The following SGSM2 variants were observed in gnomAD, a reference collection of about 807,000 sequenced individuals.
SGSM2 encodes the protein small G protein signaling modulator 2, also known as RUN and TBC1 domain containing 1.
A neutral mutation model predicts 126.6 loss-of-function variants in SGSM2; 89 were observed. The observed-to-expected ratio is 0.70, with a 90% CI of 0.59 to 0.84. SGSM2 has a LOEUF of 0.84. Ranked by LOEUF, SGSM2 falls within the 40% of genes least tolerant of loss-of-function variation. The pLI is 0.00. For missense variants in SGSM2, 1,404 were observed against 1,416.6 expected, an observed-to-expected ratio of 0.99 and a Z score of 0.14; for synonymous variants, 614 against 574.3, an observed-to-expected ratio of 1.07 and a Z score of -0.99.
intron 16 of SGSM2, 75 bp downstream of exon 16, chr17:2,373,156 A>T: frequency 6.3e-7 from 1 of 1,584,844 alleles, no homozygotes; most frequent in East Asian, 2.3e-5. Flanking sequence ...GGGACCTTGG[A>T]AGCCTCAGCC....
chr17:2,360,981 G>C (rs976774291), intron 2 of SGSM2, among the ~76,000 whole-genome samples: 1 of 152,224 alleles, frequency 6.6e-6, no homozygotes, highest in African/African-American at 2.4e-5. Flanking sequence ...TGTCTTTAGA[G>C]TCTGTCTGGG....
chr17:2,375,574 G>A lies in SGSM2; in HGVS notation c.2183G>A (p.Gly728Glu), dbSNP rs369486357. 2.0e-5 allele frequency: 32 copies of A among 1,613,778 alleles called. No homozygotes were observed. The African/African-American group carries it at 4.3e-4, about 22-fold the overall frequency. Residue 728 changes from glycine (G) to glutamate (E), a missense_variant, in exon 18 of 24, where the codon GGA (glycine) becomes GAA (glutamate). Transcript: ENST00000268989. Reference sequence around the variant, plus strand: ...AGACCAAAACCTGAGCAGGAAGCAGGACCCGGGACTCCGGGCACCGCCGTG... The same window carrying A: ...AGACCAAAACCTGAGCAGGAAGCAGAACCCGGGACTCCGGGCACCGCCGTG... The part of the protein sequence containing the change: ...DSRPKPEQEA[G>E]PGTPGTAVVE...
intron 2 of SGSM2, among the ~76,000 whole-genome samples, chr17:2,352,428 T>C (rs978320571): frequency 1.3e-5 from 2 of 152,200 alleles, no homozygotes; most frequent in African/African-American, 4.8e-5. Flanking sequence ...TGGCAGCTGG[T>C]AGCAAAAGGT....
At chr17:2,350,077 A>G (rs141470489) in intron 2 of SGSM2, among the ~76,000 whole-genome samples, 1,756 of 151,568 alleles carry the variant, frequency 0.012, 17 homozygotes, top group Middle Eastern at 0.048. Context: ...GTAAGCCACC[A>G]CGCCTGGCCT....
Position 2,351,194 on chromosome 17 carries a change from A to G in SGSM2, c.133+7574A>G, listed in dbSNP as rs183211067. Among the ~76,000 whole-genome samples, 201 of 152,154 alleles carry G rather than the reference A, an allele frequency of 1.3e-3. 1 individual carries two copies. Among genetic ancestry groups the G allele is most frequent in the African/African-American group, 4.6e-3 (192 of 41,502 alleles). ...CTTGAACCTGGCAGGCGGAGATTGC[A>G]GTAAGCCAAGATCACGTCACTGCAC... On this transcript the variant is annotated intron_variant, in intron 2 of 23. Coordinates refer to ENST00000268989, the MANE Select transcript of SGSM2 (RefSeq NM_014853.3).
intron 11 of SGSM2, among the ~76,000 whole-genome samples, chr17:2,365,890 C>T (rs962687491): frequency 1.3e-5 from 2 of 151,940 alleles, no homozygotes; most frequent in Non-Finnish European, 2.9e-5. Flanking sequence ...GGATTACAGG[C>T]GCACACCTCC....
rs376669048 is a variant in SGSM2 at position 2,364,639 on chromosome 17, G to T, written c.976G>T (p.Val326Leu). 3.7e-6 allele frequency: 6 copies of T among 1,614,064 alleles called. No individual in the cohort carries two copies. Among genetic ancestry groups the T allele is most frequent in the African/African-American group, 1.3e-5 (1 of 74,932 alleles). The stretch of plus-strand genomic sequence containing the variant: ...CCTCGTGGTGCCCTTCAGCCAGGTC[G>T]TGTGCATCCACTGCCACCAGCAAAG... ...YALVVPFSQVVCIHCHQQKSG... is the reference protein window; with the variant it reads ...YALVVPFSQVLCIHCHQQKSG... Residue 326 changes from valine to leucine, a missense_variant, in exon 9 of 24, where the codon GTG becomes TTG. Val to Leu is a conservative substitution (Grantham distance 32). Transcript: ENST00000268989.
Position 2,363,388 on chromosome 17 carries a change from G to C in SGSM2, c.673-77G>C. On this transcript the variant is annotated intron_variant, in intron 6 of 23. Transcript: ENST00000268989. This position sits in a 1 kb window ranked among gnomAD's most constrained non-coding sequence, Gnocchi z 4.2. ...CCCTGGGGTCAGCTGGAGAGGGTCA[G>C]CATGGAAGCGTGAGGGTTCCCAAGC... 6.3e-7 allele frequency: 1 copy of C among 1,595,048 alleles called. No individual in the cohort carries two copies. The highest frequency in any genetic ancestry group is 1.1e-5 in the South Asian group (1 of 90,264).
At chr17:2,338,608 C>T (rs1292265951) in intron 1 of SGSM2, among the ~76,000 whole-genome samples, 1 of 152,004 alleles carries the variant, frequency 6.6e-6, no homozygotes, top group Non-Finnish European at 1.5e-5. Flanking sequence ...TCTGTTTTGT[C>T]CACTGCCTTG....
chr17:2,345,899 A>T (rs1175535930), intron 2 of SGSM2, among the ~76,000 whole-genome samples: 3 of 152,112 alleles, frequency 2.0e-5, no homozygotes, highest in Non-Finnish European at 4.4e-5. Flanking sequence ...GAAAGCATTG[A>T]TTATCAACCT....
rs2064262628 is a variant in SGSM2, at chr17:2,339,705, C to T, written c.57+1960C>T. 2.1e-5 allele frequency among the ~76,000 whole-genome samples: 3 copies of T among 141,864 alleles called. No homozygotes were observed. The South Asian group carries it at 6.9e-4, about 33-fold the overall frequency. 93.1% of individuals were successfully genotyped at this position (141,864 alleles called of 152,430 possible). A position where few individuals can be genotyped will look rare whatever the true frequency, so the allele number is the denominator to read the frequency against. On this transcript the variant is annotated intron_variant, in intron 1 of 23. Transcript: ENST00000268989. ...CCTGGGCGACAGAGCAACACTCCAT[C>T]TCAAAAAAAAAAAAAAAAAAAGTCC...
At position 2,343,633 on chromosome 17, in the gene SGSM2, C is replaced by G; in HGVS notation, c.133+13C>G. Reference sequence around the variant, plus strand: ...ATTGCTTTATGTGGTGAGTGAGTGACTGAAGGATGATGGGAGGTCGGTCTA... The same window carrying G: ...ATTGCTTTATGTGGTGAGTGAGTGAGTGAAGGATGATGGGAGGTCGGTCTA... On this transcript the variant is annotated intron_variant, in intron 2 of 23. Coordinates refer to ENST00000268989, the MANE Select transcript of SGSM2 (RefSeq NM_014853.3). 2 of 1,613,120 alleles carry G rather than the reference C, an allele frequency of 1.2e-6. No homozygotes were observed. Among genetic ancestry groups the G allele is most frequent in the South Asian group, 2.2e-5 (2 of 91,070 alleles).
At chr17:2,344,355 C>T (rs1474964021) in intron 2 of SGSM2, among the ~76,000 whole-genome samples, 1 of 152,218 alleles carries the variant, frequency 6.6e-6, no homozygotes, top group Non-Finnish European at 1.5e-5. Flanking sequence ...TCTCAACCCC[C>T]CATCTGAAGG....
intron 12 of SGSM2, among the ~76,000 whole-genome samples, chr17:2,368,561 G>A (rs988020325): frequency 2.0e-5 from 3 of 152,178 alleles, no homozygotes; most frequent in Non-Finnish European, 4.4e-5. Context: ...CTGTCTCCGG[G>A]CAGGCAGGAC....
chr17:2,345,006 T>G (rs148556740), intron 2 of SGSM2, among the ~76,000 whole-genome samples: 52 of 152,352 alleles, frequency 3.4e-4, no homozygotes, highest in African/African-American at 1.2e-3. Context: ...GGACTTGAGT[T>G]CATACCATGT....
At position 2,363,966 on chromosome 17, in the gene SGSM2, T is replaced by C. The variant is rs2065439146; in HGVS notation, c.808-93T>C. Reference sequence around the variant, plus strand: ...ACCCCGTGACTAGCCTAGCTTGGCCTCCCCTCCTCCCAGCGGGAGCTCATT... The same window carrying C: ...ACCCCGTGACTAGCCTAGCTTGGCCCCCCCTCCTCCCAGCGGGAGCTCATT... On this transcript the variant is annotated intron_variant, in intron 7 of 23. Transcript: ENST00000268989. The surrounding 1 kb of genome is among the most constrained non-coding windows in gnomAD (Gnocchi z 4.2). 4 of 1,532,882 alleles carry C rather than the reference T, an allele frequency of 2.6e-6. No individual in the cohort carries two copies. In the Admixed American group the frequency reaches 6.8e-5, roughly 26 times the overall value. The allele number at this position is 1,532,882 out of a possible 1,614,324, so 95.0% of individuals were successfully genotyped here.
Position 2,363,135 on chromosome 17 carries a change from G to C in SGSM2, c.672+1G>C. Reference sequence around the variant, plus strand: ...CCCTGCAAAGCGCCCAGCCCTGGGGGTAGGTGCCCCCTCCCCACCCTTTGG... The same window carrying C: ...CCCTGCAAAGCGCCCAGCCCTGGGGCTAGGTGCCCCCTCCCCACCCTTTGG... On this transcript the variant is annotated splice_donor_variant, in intron 6 of 23. Transcript: ENST00000268989. LOFTEE classifies it high-confidence loss of function. The surrounding 1 kb of genome is among the most constrained non-coding windows in gnomAD (Gnocchi z 4.2). 2 of 1,596,432 alleles carry C rather than the reference G, an allele frequency of 1.3e-6. No homozygotes were observed. The highest frequency in any genetic ancestry group is 1.3e-5 in the African/African-American group (1 of 74,624).
Position 2,345,448 on chromosome 17 carries a change from T to C in SGSM2, c.133+1828T>C, listed in dbSNP as rs549004459. Reference sequence around the variant, plus strand: ...CGTCTCTACTAAAAATACAAAAAATTAGCCAGGCGTGGTGGCGGGCGCCTG... The same window carrying C: ...CGTCTCTACTAAAAATACAAAAAATCAGCCAGGCGTGGTGGCGGGCGCCTG... On this transcript the variant is annotated intron_variant, in intron 2 of 23. Transcript: ENST00000268989. Among the ~76,000 whole-genome samples, 9 of 151,634 alleles carry C rather than the reference T, an allele frequency of 5.9e-5. No homozygotes were observed. The East Asian group carries it at 1.8e-3, about 30-fold the overall frequency.
chr17:2,377,832 C>G (rs2066250564), intron 21 of SGSM2, 25 bp from the exon 22 acceptor site: 2 of 1,509,664 alleles, frequency 1.3e-6, no homozygotes, highest in Non-Finnish European at 1.8e-6. Context: ...GGCTCAGCCT[C>G]TCTCCCTTTT....
Sources: allele counts gnomAD v4.1 joint callset (sites outside exome capture counted in the v4.1 genomes callset), GRCh38; gene constraint gnomAD v4.1.1; non-coding constraint Gnocchi (gnomAD v3.1); transcripts MANE v1.5; gene names NCBI Gene and HGNC (gene_info 2026-07-23, HGNC 2026-07-21).